BARHL1: variants seen among roughly 807,000 people sequenced by gnomAD.
The protein encoded by BARHL1 is barH-like 1 homeobox protein.
BARHL1 carries 2 observed loss-of-function variants against 20.1 expected under a neutral mutation model. The ratio of observed to expected loss-of-function variants is 0.10; its 90% confidence interval spans 0.04 to 0.31. BARHL1 has a LOEUF of 0.31. BARHL1 is among the 10% of genes least tolerant of loss of function. The probability of loss-of-function intolerance (pLI) is 1.00; values close to 1 mark genes in which losing one functional copy is unlikely to be tolerated. For synonymous variants in BARHL1, 213 were observed against 209.9 expected, an observed-to-expected ratio of 1.01 and a Z score of -0.13; for missense variants, 397 against 454.0, an observed-to-expected ratio of 0.87 and a Z score of 1.14.
rs1389808290 is a variant in BARHL1 at position 132,587,135 on chromosome 9, C to CGTCCTGTTCCCCTCAGGGTTCAT, written c.467-182_467-160dup. On this transcript the variant is annotated intron_variant, in intron 1 of 2. Coordinates refer to ENST00000263610, the MANE Select transcript of BARHL1 (RefSeq NM_020064.4). The surrounding 1 kb of genome is among the most constrained non-coding windows in gnomAD (Gnocchi z 5.5). ...TCTCGGCCTCGGGCGCTCCCGCCGC[C>CGTCCTGTTCCCCTCAGGGTTCAT]GTCCTGTTCCCCTCAGGGTTCATGT... 6.6e-6 allele frequency among the ~76,000 whole-genome samples: 1 copy of CGTCCTGTTCCCCTCAGGGTTCAT among 152,240 alleles called. No individual in the cohort carries two copies. The highest frequency in any genetic ancestry group is 1.5e-5 in the Non-Finnish European group (1 of 68,040).
chr9:132,589,366 G>T lies in BARHL1; in HGVS notation c.828G>T (p.Ala276=), dbSNP rs2119136884. Residue 276 remains alanine, a synonymous_variant, in exon 3 of 3, where the codon GCG becomes GCT. Coordinates refer to ENST00000263610, the MANE Select transcript of BARHL1 (RefSeq NM_020064.4). The part of the protein sequence containing the change: ...SLVSNLDPGA[A]LYLYRGPSAP... ...TTTCCAACCTGGACCCCGGCGCGGCGCTCTACCTGTACCGCGGCCCCAGCG... is the reference window on the plus strand; with the variant it reads ...TTTCCAACCTGGACCCCGGCGCGGCTCTCTACCTGTACCGCGGCCCCAGCG... The T allele has an allele frequency of 6.2e-7, 1 of 1,613,030 alleles. No individual in the cohort carries two copies. Among genetic ancestry groups the T allele is most frequent in the South Asian group, 1.1e-5 (1 of 91,054 alleles).
chr9:132,589,146 C>T (rs1830178911), intron 2 of BARHL1, 82 bp from the exon 3 acceptor site: 3 of 1,518,584 alleles, frequency 2.0e-6, no homozygotes, highest in Admixed American at 4.2e-5. Flanking sequence ...TACAGGCTCT[C>T]TGGGCCAAGC....
Position 132,587,455 on chromosome 9 carries a change from A to G in BARHL1, c.593A>G (p.Glu198Gly), listed in dbSNP as rs1157976021. The G allele has an allele frequency of 6.8e-6, 11 of 1,612,466 alleles. No individual in the cohort carries two copies. Among genetic ancestry groups the G allele is most frequent in the African/African-American group, 1.3e-5 (1 of 74,916 alleles). ...CTGGCGCAGCTGGAGCGCAGCTTCG[A>G]GCGGCAGAAGTACCTGAGCGTGCAG... is the stretch of plus-strand genomic sequence containing the variant. ...HQLAQLERSF[E>G]RQKYLSVQDR... is the part of the protein sequence containing the mutation. The change falls in exon 2 of 3, where the codon GAG becomes GGG. Residue 198 changes from glutamate (E) to glycine (G), a missense_variant. Physicochemically the swap from Glu to Gly is moderately conservative, Grantham distance 98. This residue lies in a region of BARHL1 where 272 missense variants were observed against 298.7 expected (regional missense o/e 0.91). Transcript: ENST00000263610. This position sits in a 1 kb window ranked among gnomAD's most constrained non-coding sequence, Gnocchi z 5.5.
Position 132,583,015 on chromosome 9 carries a change from G to A in BARHL1, c.218G>A (p.Gly73Asp). The change falls in exon 1 of 3, where the codon GGT (glycine) becomes GAT (aspartate). Residue 73 changes from glycine to aspartate, a missense_variant. Gly to Asp is a moderately conservative substitution (Grantham distance 94). Coordinates refer to ENST00000263610, the MANE Select transcript of BARHL1 (RefSeq NM_020064.4). ...TPRPGGASGP[G>D]LDSHLQPGQL... ...CGGCCTGGCGGGGCATCCGGCCCAG[G>A]TTTGGACTCCCACCTGCAGCCCGGG... is the stretch of plus-strand genomic sequence containing the variant. 1 of 1,613,792 alleles carries A rather than the reference G, an allele frequency of 6.2e-7. No individual in the cohort carries two copies. The highest frequency in any genetic ancestry group is 8.5e-7 in the Non-Finnish European group (1 of 1,179,952).
chr9:132,589,203 C>G, intron 2 of BARHL1, 25 bp from the exon 3 acceptor site: 1 of 1,595,708 alleles, frequency 6.3e-7, no homozygotes, highest in East Asian at 2.2e-5. Flanking sequence ...CTGATCCCGC[C>G]ATACGCGTTT....
At chr9:132,584,511 C>T (rs987952107) in intron 1 of BARHL1, among the ~76,000 whole-genome samples, 2 of 145,828 alleles carry the variant, frequency 1.4e-5, no homozygotes, top group Non-Finnish European at 3.0e-5. Context: ...CGCCATACTT[C>T]CTGGTCCCTA....
At chr9:132,584,883 A>G (rs1198067396) in intron 1 of BARHL1, among the ~76,000 whole-genome samples, 1 of 152,174 alleles carries the variant, frequency 6.6e-6, no homozygotes, top group Non-Finnish European at 1.5e-5. Context: ...AAGGAGGGGG[A>G]AGTCAATGTA....
chr9:132,589,757 G>C lies in BARHL1; in HGVS notation c.*235G>C, dbSNP rs1006722285. On this transcript the variant is annotated 3_prime_UTR_variant, in exon 3 of 3. Coordinates refer to ENST00000263610, the MANE Select transcript of BARHL1 (RefSeq NM_020064.4). ...CCTCTCTCGCGGCCGCTCTGTCCGG[G>C]AGCCATCCCCACCCGCCGGGTGTAC... is the stretch of plus-strand genomic sequence containing the variant. 4.3e-6 allele frequency: 2 copies of C among 464,348 alleles called. No individual in the cohort carries two copies. Among genetic ancestry groups the C allele is most frequent in the African/African-American group, 4.1e-5 (2 of 48,678 alleles). The allele number at this position is 464,348 out of a possible 1,614,324, so 28.8% of individuals were successfully genotyped here. A position where few individuals can be genotyped will look rare whatever the true frequency, so the allele number is the denominator to read the frequency against.
chr9:132,583,378 TCAGGTTGAG>T, intron 1 of BARHL1, 115 bp downstream of exon 1: 1 of 920,484 alleles, frequency 1.1e-6, no homozygotes, highest in Non-Finnish European at 1.6e-6. Flanking sequence ...CCCCCAGGGC[TCAGGTTGAG>T]CAGTGGTTCT....
At chr9:132,583,797 AGTC>A (rs1830100545) in intron 1 of BARHL1, among the ~76,000 whole-genome samples, 1 of 152,206 alleles carries the variant, frequency 6.6e-6, no homozygotes, top group African/African-American at 2.4e-5. Flanking sequence ...GGGTTCTGTG[AGTC>A]ATGAAAAGAG....
chr9:132,584,633 C>T (rs1219826873), intron 1 of BARHL1, among the ~76,000 whole-genome samples: 1 of 152,226 alleles, frequency 6.6e-6, no homozygotes, highest in Non-Finnish European at 1.5e-5. Flanking sequence ...ATCGGTCCGA[C>T]TGCACATCCC....
rs752332939 is a variant in BARHL1, at chr9:132,582,967, A to T, written c.170A>T (p.Asp57Val). ...DCSSPASPGR[D>V]CLETGTPRPG... is the part of the protein sequence containing the mutation. Reference sequence around the variant, plus strand: ...TCTTCGCCAGCCTCTCCAGGAAGGGACTGTTTGGAGACGGGGACCCCACGG... The same window carrying T: ...TCTTCGCCAGCCTCTCCAGGAAGGGTCTGTTTGGAGACGGGGACCCCACGG... The change falls in exon 1 of 3, where the codon GAC becomes GTC. Residue 57 changes from aspartate to valine, a missense_variant. Coordinates refer to ENST00000263610, the MANE Select transcript of BARHL1 (RefSeq NM_020064.4). The T allele has an allele frequency of 5.0e-6, 8 of 1,613,648 alleles. No homozygotes were observed. The highest frequency in any genetic ancestry group is 3.3e-5 in the Admixed American group (2 of 60,006).
intron 1 of BARHL1, among the ~76,000 whole-genome samples, chr9:132,584,418 CTT>C (rs1830116467): frequency 6.6e-6 from 1 of 152,146 alleles, no homozygotes; most frequent in Non-Finnish European, 1.5e-5. Flanking sequence ...TCCCAGAAAT[CTT>C]TTCAAGAGAC....
chr9:132,589,105 A>C, intron 2 of BARHL1, 123 bp from the exon 3 acceptor site: 1 of 1,448,892 alleles, frequency 6.9e-7, no homozygotes, highest in Non-Finnish European at 9.1e-7. Flanking sequence ...GTTATTTATT[A>C]ACAAATGAGT....
At chr9:132,586,269 A>G (rs776137237) in intron 1 of BARHL1, among the ~76,000 whole-genome samples, 8 of 152,244 alleles carry the variant, frequency 5.3e-5, no homozygotes, top group Non-Finnish European at 7.3e-5. Context: ...ACGCACAATG[A>G]AACTCCACCA....
intron 1 of BARHL1, among the ~76,000 whole-genome samples, chr9:132,585,792 C>T (rs546077837): frequency 1.3e-5 from 2 of 152,364 alleles, no homozygotes; most frequent in African/African-American, 4.8e-5. Context: ...CCTGACACCA[C>T]AAACTGAATA....
At chr9:132,583,369 C>T (rs1045850754) in intron 1 of BARHL1, 106 bp downstream of exon 1, 15 of 1,016,156 alleles carry the variant, frequency 1.5e-5, no homozygotes, top group Middle Eastern at 2.3e-4. Flanking sequence ...CTGGGGGCTC[C>T]CCCAGGGCTC....
At position 132,589,696 on chromosome 9, in the gene BARHL1, G is replaced by C. The variant is rs975365320; in HGVS notation, c.*174G>C. The C allele has an allele frequency of 3.3e-6, 3 of 906,196 alleles. No homozygotes were observed. Among genetic ancestry groups the C allele is most frequent in the Non-Finnish European group, 2.9e-6 (2 of 699,368 alleles). The allele number at this position is 906,196 out of a possible 1,614,324, so 56.1% of individuals were successfully genotyped here. A position where few individuals can be genotyped will look rare whatever the true frequency, so the allele number is the denominator to read the frequency against. On this transcript the variant is annotated 3_prime_UTR_variant, in exon 3 of 3. Coordinates refer to ENST00000263610, the MANE Select transcript of BARHL1 (RefSeq NM_020064.4). ...CAAATGCCAAGTCCACTGAGGCCCG[G>C]ACCCCGGACTGCGTCTCCCCAGCCC...
chr9:132,583,006 C>T lies in BARHL1; in HGVS notation c.209C>T (p.Ser70Phe). 6.2e-7 allele frequency: 1 copy of T among 1,613,770 alleles called. No homozygotes were observed. Among genetic ancestry groups the T allele is most frequent in the Non-Finnish European group, 8.5e-7 (1 of 1,179,942 alleles). ...GGGACCCCACGGCCTGGCGGGGCATCCGGCCCAGGTTTGGACTCCCACCTG... is the reference window on the plus strand; with the variant it reads ...GGGACCCCACGGCCTGGCGGGGCATTCGGCCCAGGTTTGGACTCCCACCTG... ...ETGTPRPGGA[S>F]GPGLDSHLQP... is the part of the protein sequence containing the mutation. Residue 70 changes from serine (S) to phenylalanine (F), a missense_variant, in exon 1 of 3, where the codon TCC becomes TTC. Transcript: ENST00000263610.
Sources: allele counts gnomAD v4.1 joint callset (sites outside exome capture counted in the v4.1 genomes callset), GRCh38; gene constraint gnomAD v4.1.1; regional missense constraint gnomAD v4.1.1; non-coding constraint Gnocchi (gnomAD v3.1); transcripts MANE v1.5; gene names NCBI Gene and HGNC (gene_info 2026-07-23, HGNC 2026-07-21).